The following INPP4B variants were observed in gnomAD, a reference collection of about 807,000 sequenced individuals.
The protein encoded by INPP4B is inositol polyphosphate-4-phosphatase type II B.
Under a neutral mutation model 122.5 loss-of-function variants are expected in INPP4B, and 55 were observed. That is an observed-to-expected ratio of 0.45 (90% CI 0.36 to 0.56). The LOEUF is 0.56. INPP4B is among the 20% of genes least tolerant of loss of function. INPP4B has a pLI of 0.00. For missense variants in INPP4B, 1,000 were observed against 1,097.7 expected (o/e 0.91, Z 1.26); for synonymous variants, 403 against 388.7 (o/e 1.04, Z -0.43).
rs1026833530 is a variant in INPP4B, at chr4:142,025,132, T to G, written c.*3650A>C. The G allele has an allele frequency of 6.6e-6, 1 of 151,962 alleles. No individual in the cohort carries two copies. The highest frequency in any genetic ancestry group is 2.4e-5 in the African/African-American group (1 of 41,376). The allele number at this position is 151,962 out of a possible 1,614,324, so 9.4% of individuals were successfully genotyped here. A position where few individuals can be genotyped will look rare whatever the true frequency, so the allele number is the denominator to read the frequency against. ...TTGTGTGCTGGTAAATGCTCAACAA[T>G]TGCCTTTCCAGGAATTAAAATTGCT... On this transcript the variant is annotated 3_prime_UTR_variant, in exon 26 of 26. Transcript: ENST00000262992.
chr4:142,103,009 A>G (rs1374931829), intron 23 of INPP4B, among the ~76,000 whole-genome samples: 1 of 152,110 alleles, frequency 6.6e-6, no homozygotes, highest in Non-Finnish European at 1.5e-5. Context: ...TTCCTAAGGG[A>G]GTAGCTTTCA....
chr4:142,322,784 C>T (rs947898027), intron 7 of INPP4B, among the ~76,000 whole-genome samples: 11 of 152,196 alleles, frequency 7.2e-5, no homozygotes, highest in Admixed American at 3.3e-4. Flanking sequence ...ACAGTAGAAT[C>T]GCCTGTAACA....
intron 1 of INPP4B, among the ~76,000 whole-genome samples, chr4:142,840,165 A>T (rs1205585409): frequency 6.6e-6 from 1 of 152,200 alleles, no homozygotes; most frequent in Non-Finnish European, 1.5e-5. Context: ...CAATTTGGTC[A>T]CTGGTGACCG....
chr4:142,691,187 G>T (rs531667743), intron 2 of INPP4B, among the ~76,000 whole-genome samples: 2 of 151,968 alleles, frequency 1.3e-5, no homozygotes, highest in Non-Finnish European at 2.9e-5. Context: ...CTATCACCAT[G>T]TTTCCTATCA....
intron 2 of INPP4B, among the ~76,000 whole-genome samples, chr4:142,623,071 G>A (rs1184704884): frequency 2.6e-5 from 4 of 151,874 alleles, no homozygotes; most frequent in South Asian, 2.1e-4. Flanking sequence ...GAGGTGACCC[G>A]TGGAAATCAC....
intron 1 of INPP4B, among the ~76,000 whole-genome samples, chr4:142,833,268 C>A (rs973300897): frequency 2.6e-4 from 40 of 151,872 alleles, no homozygotes; most frequent in African/African-American, 8.9e-4. Context: ...CATAATGCAG[C>A]AATTTTATTT....
At chr4:142,069,023 A>G (rs28873684) in intron 25 of INPP4B, among the ~76,000 whole-genome samples, 3,882 of 152,298 alleles carry the variant, frequency 0.025, 185 homozygotes, top group African/African-American at 0.089. Flanking sequence ...AATCTACAGA[A>G]TATACATTCT....
chr4:142,060,021 T>C (rs1759732357), intron 25 of INPP4B, among the ~76,000 whole-genome samples: 1 of 152,204 alleles, frequency 6.6e-6, no homozygotes, highest in African/African-American at 2.4e-5. Flanking sequence ...AACTCAAGAA[T>C]TAACCACAAA....
chr4:142,050,493 G>C (rs1481892017), intron 25 of INPP4B, among the ~76,000 whole-genome samples: 1 of 151,966 alleles, frequency 6.6e-6, no homozygotes, highest in Non-Finnish European at 1.5e-5. Flanking sequence ...GAAATTTTCA[G>C]TAGATAGCAC....
At chr4:142,339,474 T>G (rs1418878589) in intron 7 of INPP4B, among the ~76,000 whole-genome samples, 1 of 152,182 alleles carries the variant, frequency 6.6e-6, no homozygotes, top group Non-Finnish European at 1.5e-5. Flanking sequence ...CCTGGAAATA[T>G]GAAAAGTAAT....
At chr4:142,156,080 G>T (rs1038154884) in intron 17 of INPP4B, among the ~76,000 whole-genome samples, 1 of 151,324 alleles carries the variant, frequency 6.6e-6, no homozygotes, top group African/African-American at 2.4e-5. Flanking sequence ...GGAATTAATT[G>T]GATAATTTGG....
chr4:142,546,520 G>C (rs1270091669), intron 2 of INPP4B, among the ~76,000 whole-genome samples: 1 of 152,082 alleles, frequency 6.6e-6, no homozygotes, highest in South Asian at 2.1e-4. Flanking sequence ...GCATCATGAA[G>C]AACAGATGTC....
chr4:142,085,921 T>C (rs553332677), intron 24 of INPP4B, among the ~76,000 whole-genome samples: 3 of 152,324 alleles, frequency 2.0e-5, no homozygotes, highest in South Asian at 4.1e-4. Flanking sequence ...TTGGTAAGAA[T>C]AGCAAGTGAG....
At chr4:142,671,685 T>G (rs905070316) in intron 2 of INPP4B, among the ~76,000 whole-genome samples, 3 of 152,138 alleles carry the variant, frequency 2.0e-5, no homozygotes, top group Non-Finnish European at 2.9e-5. Context: ...CTTAGTAGGT[T>G]TGGAGGTCTT....
chr4:142,676,825 T>C (rs2150663504), intron 2 of INPP4B, among the ~76,000 whole-genome samples: 1 of 152,220 alleles, frequency 6.6e-6, no homozygotes, highest in African/African-American at 2.4e-5. Flanking sequence ...TCTTACACCT[T>C]ATGCAAAAAT....
chr4:142,755,291 C>T lies in INPP4B; in HGVS notation c.-253-29390G>A, dbSNP rs7675040. Among the ~76,000 whole-genome samples the T allele has an allele frequency of 3.3e-3, 495 of 152,104 alleles. 2 individuals carry two copies. The highest frequency in any genetic ancestry group is 0.014 in the Middle Eastern group (4 of 294). ...TCTATGTCTATATCATTATCTGTTTCTGGACCCTAGATTTCACTAGAATCA... is the reference window on the plus strand; with the variant it reads ...TCTATGTCTATATCATTATCTGTTTTTGGACCCTAGATTTCACTAGAATCA... On this transcript the variant is annotated intron_variant, in intron 1 of 25. Coordinates refer to ENST00000262992, the MANE Select transcript of INPP4B (RefSeq NM_001101669.3).
chr4:142,048,935 C>T (rs908428670), intron 25 of INPP4B, among the ~76,000 whole-genome samples: 2 of 151,680 alleles, frequency 1.3e-5, no homozygotes, highest in Admixed American at 6.6e-5. Context: ...AAGGACACAT[C>T]GAGGGGGAAG....
At chr4:142,252,227 C>A (rs560232821) in intron 11 of INPP4B, among the ~76,000 whole-genome samples, 1 of 142,696 alleles carries the variant, frequency 7.0e-6, no homozygotes, top group African/African-American at 2.6e-5. Flanking sequence ...CTCGCTCTGT[C>A]GCCCAGGCTG....
At chr4:142,217,278 C>T (rs1579321525) in intron 12 of INPP4B, among the ~76,000 whole-genome samples, 1 of 152,064 alleles carries the variant, frequency 6.6e-6, no homozygotes, top group Non-Finnish European at 1.5e-5. Context: ...GAGGGATTTC[C>T]AACATGGGGC....
Sources: allele counts gnomAD v4.1 joint callset (sites outside exome capture counted in the v4.1 genomes callset), GRCh38; gene constraint gnomAD v4.1.1; transcripts MANE v1.5; gene names NCBI Gene and HGNC (gene_info 2026-07-23, HGNC 2026-07-21).